KCNG3: variants seen among roughly 807,000 people sequenced by gnomAD.
KCNG3 encodes the protein potassium voltage-gated channel modifier subfamily G member 3, also known as voltage-gated potassium channel regulatory subunit KCNG3.
A neutral mutation model predicts 29.0 loss-of-function variants in KCNG3; 15 were observed. The ratio of observed to expected loss-of-function variants is 0.52; its 90% CI spans 0.35 to 0.80. The LOEUF (loss-of-function observed/expected upper bound fraction) is 0.80. KCNG3 is among the 30% of genes least tolerant of loss of function. KCNG3 has a pLI of 0.01. For missense variants in KCNG3, 512 were observed against 605.7 expected, an observed-to-expected ratio of 0.85 and a Z score of 1.62; for synonymous variants, 322 against 248.9, an observed-to-expected ratio of 1.29 and a Z score of -2.76.
the KCNG3 span, among the ~76,000 whole-genome samples, chr2:42,423,569 G>A: frequency 4.4e-4 from 67 of 152,116 alleles, 1 homozygote; most frequent in Admixed American, 1.0e-3. Context: ...GTCACAGATC[G>A]TCAAGGGTCT....
chr2:42,426,196 C>A, the KCNG3 span, among the ~76,000 whole-genome samples: 2 of 152,120 alleles, frequency 1.3e-5, no homozygotes, highest in East Asian at 1.9e-4. Context: ...AAATAACACA[C>A]CTGAATGAGG....
chr2:42,491,538 T>G (rs1158932747), intron 1 of KCNG3, among the ~76,000 whole-genome samples: 1 of 152,156 alleles, frequency 6.6e-6, no homozygotes, highest in African/African-American at 2.4e-5. Context: ...GGTAAATAAA[T>G]TAATTTCATT....
At chr2:42,440,778 T>C (rs183258653), downstream of KCNG3, among the ~76,000 whole-genome samples, 5 of 152,322 alleles carry the variant, frequency 3.3e-5, no homozygotes, top group East Asian at 9.7e-4. Context: ...AAGCCTTGAA[T>C]TGTTAGTTTG....
intron 1 of KCNG3, among the ~76,000 whole-genome samples, chr2:42,449,699 C>T (rs2103670107): frequency 6.6e-6 from 1 of 152,002 alleles, no homozygotes; most frequent in African/African-American, 2.4e-5. Context: ...GATCCACCCG[C>T]CTTGGCCTCC....
the KCNG3 span, among the ~76,000 whole-genome samples, chr2:42,414,039 C>A: frequency 0.011 from 1,602 of 152,316 alleles, 31 homozygotes; most frequent in African/African-American, 0.035. Flanking sequence ...GAAATACCTA[C>A]TTGTTTTTGG....
chr2:42,412,112 T>A, the KCNG3 span, among the ~76,000 whole-genome samples: 1 of 152,206 alleles, frequency 6.6e-6, no homozygotes, highest in Non-Finnish European at 1.5e-5. Context: ...ACTACCTTTG[T>A]GGACATGAGA....
At position 42,485,182 on chromosome 2, in the gene KCNG3, TCAC is replaced by T. The variant is rs773237095; in HGVS notation, c.665+7652_665+7654del. Among the ~76,000 whole-genome samples, 11 of 152,140 alleles carry T rather than the reference TCAC, an allele frequency of 7.2e-5. No homozygotes were observed. The East Asian group carries it at 7.7e-4, about 11-fold the overall frequency. On this transcript the variant is annotated intron_variant, in intron 1 of 1. Coordinates refer to ENST00000306078, the MANE Select transcript of KCNG3 (RefSeq NM_133329.6). ...TTAACATTTTAAAAATCTCAAATTC[TCAC>T]CACCACAACACAAAGCAATACCAAT...
downstream of KCNG3, among the ~76,000 whole-genome samples, chr2:42,441,176 T>C (rs976124369): frequency 1.3e-5 from 2 of 151,654 alleles, no homozygotes; most frequent in Non-Finnish European, 2.9e-5. Context: ...AGGCCAGGAG[T>C]TTGAGGCAAG....
At position 42,493,812 on chromosome 2, in the gene KCNG3, G is replaced by A. The variant is rs1673993882; in HGVS notation, c.-311C>T. 1 of 243,540 alleles carries A rather than the reference G, an allele frequency of 4.1e-6. No homozygotes were observed. The allele number at this position is 243,540 out of a possible 1,614,324, so 15.1% of individuals were successfully genotyped here. ...GCGCCGCCGACCCTCGCGCCCGAGG[G>A]CTGCGCACACCGAGGCCGCGGTGCC... On this transcript the variant is annotated 5_prime_UTR_variant, in exon 1 of 2. Coordinates refer to ENST00000306078, the MANE Select transcript of KCNG3 (RefSeq NM_133329.6).
chr2:42,426,071 A>G, the KCNG3 span, among the ~76,000 whole-genome samples: 2 of 152,226 alleles, frequency 1.3e-5, no homozygotes, highest in Non-Finnish European at 2.9e-5. Context: ...TAACAAAGTT[A>G]ATTTTTATAA....
the KCNG3 span, among the ~76,000 whole-genome samples, chr2:42,399,202 A>G: frequency 1.3e-5 from 2 of 151,260 alleles, no homozygotes; most frequent in African/African-American, 2.4e-5. Context: ...GACCATAGGC[A>G]TATGTCACCA....
intron 1 of KCNG3, among the ~76,000 whole-genome samples, chr2:42,471,576 C>T (rs1208942400): frequency 6.6e-6 from 1 of 152,122 alleles, no homozygotes; most frequent in South Asian, 2.1e-4. Context: ...GATAGTTGTA[C>T]AATGTAGTGC....
Position 42,443,641 on chromosome 2 carries a change from CAAATAATGTATTTTTTAAAAATGTGT to C in KCNG3, c.*267_*292del. The C allele has an allele frequency of 3.8e-6, 1 of 265,046 alleles. No homozygotes were observed. Among genetic ancestry groups the C allele is most frequent in the Non-Finnish European group, 7.1e-6 (1 of 141,776 alleles). The allele number at this position is 265,046 out of a possible 1,614,324, so 16.4% of individuals were successfully genotyped here. ...TAGTACCTTTCTGTTTTAAAATGTT[CAAATAATGTATTTTTTAAAAATGTGT>C]AATCATTCAAGGAAACGGGAAAACA... On this transcript the variant is annotated 3_prime_UTR_variant, in exon 2 of 2. Transcript: ENST00000306078.
chr2:42,401,518 T>C, the KCNG3 span, among the ~76,000 whole-genome samples: 1 of 152,038 alleles, frequency 6.6e-6, no homozygotes, highest in East Asian at 1.9e-4. Flanking sequence ...CACAGCTCAC[T>C]GCAGCCTCAA....
intron 1 of KCNG3, among the ~76,000 whole-genome samples, chr2:42,483,844 T>G (rs1673650902): frequency 6.6e-6 from 1 of 152,260 alleles, no homozygotes; most frequent in African/African-American, 2.4e-5. Context: ...CAAGCTGGAG[T>G]GCAGTGCCAC....
intron 1 of KCNG3, among the ~76,000 whole-genome samples, chr2:42,467,046 C>A (rs1226126198): frequency 6.6e-6 from 1 of 151,958 alleles, no homozygotes; most frequent in East Asian, 1.9e-4. Context: ...AGCCACTGCG[C>A]CCGGCCAAAA....
At chr2:42,452,245 T>TATATATATA (rs1558376128) in intron 1 of KCNG3, among the ~76,000 whole-genome samples, 12 of 47,430 alleles carry the variant, frequency 2.5e-4, no homozygotes, top group African/African-American at 1.0e-3. Flanking sequence ...ATATATATAT[T>TATATATATA]TTTTTTTTTT....
chr2:42,471,394 C>T (rs1272270577), intron 1 of KCNG3, among the ~76,000 whole-genome samples: 2 of 152,026 alleles, frequency 1.3e-5, no homozygotes, highest in African/African-American at 4.8e-5. Context: ...AGCAGCCAGA[C>T]ACAAAAGGCT....
intron 1 of KCNG3, among the ~76,000 whole-genome samples, chr2:42,480,610 G>A (rs147355650): frequency 4.8e-4 from 73 of 151,980 alleles, no homozygotes; most frequent in Admixed American, 1.7e-3. Flanking sequence ...ATGTCATGTA[G>A]TGTTCACGAG....
Sources: allele counts gnomAD v4.1 joint callset (sites outside exome capture counted in the v4.1 genomes callset), GRCh38; gene constraint gnomAD v4.1.1; transcripts MANE v1.5; gene names NCBI Gene and HGNC (gene_info 2026-07-23, HGNC 2026-07-21).